The following SH3GL2 variants were observed in gnomAD, a reference collection of about 807,000 sequenced individuals.
SH3GL2 encodes the protein endophilin-A1.
SH3GL2 carries 24 observed loss-of-function variants against 46.0 expected under a neutral mutation model. The observed-to-expected ratio is 0.52, with a 90% CI of 0.38 to 0.73. The LOEUF is 0.73. Among genes scored for constraint, SH3GL2 ranks in the 30% least tolerant of loss-of-function variants. The pLI is 0.00. For missense variants in SH3GL2, 413 were observed against 424.2 expected (o/e 0.97, Z 0.23); for synonymous variants, 196 against 147.1 (o/e 1.33, Z -2.40).
chr9:17,626,192 C>G (rs1285478702), intron 1 of SH3GL2, among the ~76,000 whole-genome samples: 1 of 152,190 alleles, frequency 6.6e-6, no homozygotes, highest in Non-Finnish European at 1.5e-5. Context: ...TGGGACGGGT[C>G]TGACCTCCAC....
chr9:17,678,687 T>C (rs1345952913), intron 1 of SH3GL2, among the ~76,000 whole-genome samples: 3 of 152,250 alleles, frequency 2.0e-5, no homozygotes, highest in Non-Finnish European at 4.4e-5. Context: ...TTTGGTGTTT[T>C]AGACATGAAG....
chr9:17,747,250 A>C (rs940922562), intron 2 of SH3GL2, 116 bp downstream of exon 2: 5 of 592,078 alleles, frequency 8.4e-6, no homozygotes, highest in East Asian at 2.9e-5. Flanking sequence ...AGAATACTAC[A>C]TTTTGTTATT....
At chr9:17,768,661 C>T (rs746939746) in intron 3 of SH3GL2, among the ~76,000 whole-genome samples, 4 of 151,984 alleles carry the variant, frequency 2.6e-5, no homozygotes, top group Admixed American at 6.6e-5. Flanking sequence ...GAGTTTGTAG[C>T]GGCTGTTTCC....
intron 1 of SH3GL2, among the ~76,000 whole-genome samples, chr9:17,618,623 G>C (rs954732107): frequency 1.3e-5 from 2 of 152,206 alleles, no homozygotes; most frequent in Non-Finnish European, 1.5e-5. Context: ...GCGCTTGACT[G>C]TAGGGTGCTG....
At chr9:17,692,242 G>A (rs986937750) in intron 1 of SH3GL2, among the ~76,000 whole-genome samples, 2 of 151,360 alleles carry the variant, frequency 1.3e-5, no homozygotes, top group African/African-American at 4.9e-5. Context: ...CTGAGCTTTT[G>A]AGTAAGAAGG....
chr9:17,727,449 A>G (rs1822051844), intron 1 of SH3GL2, among the ~76,000 whole-genome samples: 1 of 152,166 alleles, frequency 6.6e-6, no homozygotes. Flanking sequence ...CTTTACTAAA[A>G]AAGTTTTCTG....
At chr9:17,613,360 G>A (rs193201518) in intron 1 of SH3GL2, among the ~76,000 whole-genome samples, 6 of 152,226 alleles carry the variant, frequency 3.9e-5, no homozygotes, top group South Asian at 4.1e-4. Context: ...AAAACTATGC[G>A]TGCCTTTATA....
At chr9:17,640,520 A>G (rs1311823474) in intron 1 of SH3GL2, among the ~76,000 whole-genome samples, 1 of 152,186 alleles carries the variant, frequency 6.6e-6, no homozygotes, top group Non-Finnish European at 1.5e-5. Context: ...CAACGTTGGT[A>G]TGATTCAAAA....
chr9:17,745,926 C>T (rs1181406354), intron 1 of SH3GL2, among the ~76,000 whole-genome samples: 2 of 152,124 alleles, frequency 1.3e-5, no homozygotes, highest in Non-Finnish European at 2.9e-5. Flanking sequence ...AAGCATCTAT[C>T]TTTACAATTA....
At chr9:17,654,349 C>A (rs959785897) in intron 1 of SH3GL2, among the ~76,000 whole-genome samples, 2 of 152,116 alleles carry the variant, frequency 1.3e-5, no homozygotes, top group African/African-American at 4.8e-5. Flanking sequence ...TAAATGGACT[C>A]CTCTAGGGAA....
intron 1 of SH3GL2, among the ~76,000 whole-genome samples, chr9:17,668,872 G>T (rs1164030368): frequency 6.6e-6 from 1 of 152,084 alleles, no homozygotes; most frequent in Non-Finnish European, 1.5e-5. Flanking sequence ...TGCCTAGGCT[G>T]GTCTCAAACT....
chr9:17,688,764 A>G (rs1030390066), intron 1 of SH3GL2, among the ~76,000 whole-genome samples: 16 of 152,122 alleles, frequency 1.1e-4, no homozygotes, highest in African/African-American at 3.9e-4. Flanking sequence ...GAAAAATAAC[A>G]TAGTATTGGA....
At chr9:17,603,527 A>C (rs866652399) in intron 1 of SH3GL2, among the ~76,000 whole-genome samples, 1 of 152,228 alleles carries the variant, frequency 6.6e-6, no homozygotes, top group African/African-American at 2.4e-5. Context: ...GGAGAGATGG[A>C]AAGAGTTCTA....
intron 1 of SH3GL2, among the ~76,000 whole-genome samples, chr9:17,689,080 A>T (rs886477406): frequency 3.3e-5 from 5 of 152,102 alleles, no homozygotes; most frequent in African/African-American, 1.2e-4. Context: ...TCATGTTGAT[A>T]GTGTGTTCCC....
At chr9:17,696,209 A>G (rs985867339) in intron 1 of SH3GL2, among the ~76,000 whole-genome samples, 1 of 152,104 alleles carries the variant, frequency 6.6e-6, no homozygotes, top group African/African-American at 2.4e-5. Flanking sequence ...TAAAGAGAAC[A>G]TTTTTAAAAT....
At chr9:17,594,240 T>A (rs1818532762) in intron 1 of SH3GL2, among the ~76,000 whole-genome samples, 1 of 152,218 alleles carries the variant, frequency 6.6e-6, no homozygotes, top group Non-Finnish European at 1.5e-5. Context: ...GAGTTGTAGC[T>A]GTGCTAGTTA....
intron 1 of SH3GL2, among the ~76,000 whole-genome samples, chr9:17,619,818 C>G (rs935414033): frequency 1.3e-5 from 2 of 152,090 alleles, no homozygotes; most frequent in Non-Finnish European, 2.9e-5. Flanking sequence ...TTATCCATAT[C>G]TGATTATTTC....
intron 3 of SH3GL2, among the ~76,000 whole-genome samples, chr9:17,779,311 G>GT (rs1247042902): frequency 1.3e-5 from 2 of 152,146 alleles, no homozygotes; most frequent in Admixed American, 1.3e-4. Flanking sequence ...CAAGGATTTT[G>GT]TTTTTTGGAG....
chr9:17,617,207 T>C (rs1434180705), intron 1 of SH3GL2, among the ~76,000 whole-genome samples: 2 of 152,234 alleles, frequency 1.3e-5, no homozygotes, highest in Non-Finnish European at 2.9e-5. Flanking sequence ...TTAAGGAATA[T>C]GCTATTGGTG....
Sources: allele counts gnomAD v4.1 joint callset (sites outside exome capture counted in the v4.1 genomes callset), GRCh38; gene constraint gnomAD v4.1.1; transcripts MANE v1.5; gene names NCBI Gene and HGNC (gene_info 2026-07-23, HGNC 2026-07-21).